Variants in ZHX3 observed in about 807,000 individuals in gnomAD.
ZHX3 encodes the protein zinc fingers and homeoboxes protein 3.
Under a neutral mutation model 64.5 loss-of-function variants are expected in ZHX3, and 20 were observed. The ratio of observed to expected loss-of-function variants is 0.31; its 90% CI spans 0.22 to 0.45. ZHX3 has a LOEUF of 0.45. ZHX3 is among the 20% of genes least tolerant of loss of function. ZHX3 has a pLI of 1.00. For synonymous variants in ZHX3, 423 were observed against 461.6 expected (o/e 0.92, Z 1.07); for missense variants, 1,041 against 1,195.8 (o/e 0.87, Z 1.91).
chr20:41,315,384 G>A (rs1212087764), intron 1 of ZHX3, among the ~76,000 whole-genome samples: 11 of 145,988 alleles, frequency 7.5e-5, no homozygotes, highest in South Asian at 2.2e-4. Context: ...TAGTAGAGAC[G>A]GGGTGTCACC....
chr20:41,218,004 A>G (rs2039655027), intron 2 of ZHX3, among the ~76,000 whole-genome samples: 1 of 152,208 alleles, frequency 6.6e-6, no homozygotes, highest in Admixed American at 6.5e-5. Context: ...TGTTCTTTAA[A>G]AAGGCTTGAC....
chr20:41,264,559 CA>C (rs1459734000), intron 2 of ZHX3, among the ~76,000 whole-genome samples: 35,291 of 83,938 alleles, frequency 0.42, 5,218 homozygotes, highest in East Asian at 0.55. Flanking sequence ...AACTCCATCT[CA>C]AAAAAAAAAA....
chr20:41,282,361 C>CTTT (rs568284480), intron 1 of ZHX3, among the ~76,000 whole-genome samples: 11 of 97,200 alleles, frequency 1.1e-4, no homozygotes, highest in East Asian at 7.5e-4. Flanking sequence ...CACAATTCAT[C>CTTT]TTTTTTTTTT....
intron 1 of ZHX3, among the ~76,000 whole-genome samples, chr20:41,275,648 TG>T (rs2043344391): frequency 6.6e-6 from 1 of 152,234 alleles, no homozygotes; most frequent in African/African-American, 2.4e-5. Context: ...CTCACTCTCA[TG>T]GCATGAGTTT....
At chr20:41,267,424 C>G (rs145540536) in intron 2 of ZHX3, 4 of 152,238 alleles carry the variant, frequency 2.6e-5, no homozygotes, top group African/African-American at 2.4e-5. Context: ...ATCCTCCTAA[C>G]GTAAGCATTC....
intron 2 of ZHX3, among the ~76,000 whole-genome samples, chr20:41,266,257 G>A (rs1191554570): frequency 6.6e-6 from 1 of 152,162 alleles, no homozygotes; most frequent in Non-Finnish European, 1.5e-5. Context: ...CAGAGTGGCA[G>A]AAATGAGGTA....
intron 2 of ZHX3, among the ~76,000 whole-genome samples, chr20:41,217,327 C>A (rs1026989461): frequency 3.3e-5 from 5 of 151,814 alleles, no homozygotes; most frequent in African/African-American, 1.2e-4. Flanking sequence ...ATAAATTTGA[C>A]CATGAACTTA....
intron 2 of ZHX3, among the ~76,000 whole-genome samples, chr20:41,262,832 T>C (rs1316498364): frequency 6.6e-6 from 1 of 151,494 alleles, no homozygotes; most frequent in African/African-American, 2.4e-5. Context: ...GAAAAAAAAA[T>C]TGGAGAGATA....
At position 41,204,942 on chromosome 20, in the gene ZHX3, G is replaced by C; in HGVS notation, c.-26C>G. The C allele has an allele frequency of 6.6e-7, 1 of 1,516,650 alleles. No individual in the cohort carries two copies. The highest frequency in any genetic ancestry group is 8.8e-7 in the Non-Finnish European group (1 of 1,133,304). The allele number at this position is 1,516,650 out of a possible 1,614,324, so 93.9% of individuals were successfully genotyped here. On this transcript the variant is annotated 5_prime_UTR_variant, in exon 3 of 4. Transcript: ENST00000683867. This position sits in a 1 kb window ranked among gnomAD's most constrained non-coding sequence, Gnocchi z 6.6. ...GGTGACAATCACTGGGTGATCAGCAGTTGAGAGCTTGTCCCATAAGGGGCC... is the reference window on the plus strand; with the variant it reads ...GGTGACAATCACTGGGTGATCAGCACTTGAGAGCTTGTCCCATAAGGGGCC...
chr20:41,193,488 T>C (rs910422610), intron 3 of ZHX3, among the ~76,000 whole-genome samples: 3 of 152,190 alleles, frequency 2.0e-5, no homozygotes, highest in Non-Finnish European at 4.4e-5. Flanking sequence ...CGACCAATTT[T>C]TTTAGACAGA....
intron 3 of ZHX3, among the ~76,000 whole-genome samples, chr20:41,187,404 T>A (rs957497253): frequency 2.6e-5 from 4 of 152,020 alleles, no homozygotes; most frequent in Non-Finnish European, 5.9e-5. Context: ...AAGTATTTTA[T>A]AGCTTTAGCT....
Position 41,181,485 on chromosome 20 carries a change from G to C in ZHX3, c.*3706C>G, listed in dbSNP as rs1367944801. The C allele has an allele frequency of 6.6e-6, 1 of 152,072 alleles. No homozygotes were observed. Among genetic ancestry groups the C allele is most frequent in the African/African-American group, 2.4e-5 (1 of 41,394 alleles). The allele number at this position is 152,072 out of a possible 1,614,324, so 9.4% of individuals were successfully genotyped here. A position where few individuals can be genotyped will look rare whatever the true frequency, so the allele number is the denominator to read the frequency against. On this transcript the variant is annotated 3_prime_UTR_variant, in exon 4 of 4. Transcript: ENST00000683867. The stretch of plus-strand genomic sequence containing the variant: ...CCTGCAAGTTGCCTTTATCCACTTG[G>C]GGTGTGATATCTGAACTGAAAAAGC...
intron 2 of ZHX3, among the ~76,000 whole-genome samples, chr20:41,218,584 A>G (rs1477471391): frequency 6.6e-6 from 1 of 152,226 alleles, no homozygotes; most frequent in Non-Finnish European, 1.5e-5. Flanking sequence ...CTCTTTTAAC[A>G]TGAGGCTTGG....
At chr20:41,277,751 C>G (rs2043460513) in intron 1 of ZHX3, among the ~76,000 whole-genome samples, 1 of 140,738 alleles carries the variant, frequency 7.1e-6, no homozygotes, top group Non-Finnish European at 1.6e-5. Context: ...GCTACCATGC[C>G]TGGCTAATTT....
intron 2 of ZHX3, among the ~76,000 whole-genome samples, chr20:41,261,436 C>T (rs2042557147): frequency 6.6e-6 from 1 of 152,168 alleles, no homozygotes; most frequent in Admixed American, 6.5e-5. Flanking sequence ...ACTGCATTTC[C>T]TTGCCTCCTG....
chr20:41,184,661 A>C lies in ZHX3; in HGVS notation c.*530T>G, dbSNP rs986977554. The C allele has an allele frequency of 5.9e-6, 3 of 504,796 alleles. No individual in the cohort carries two copies. Among genetic ancestry groups the C allele is most frequent in the African/African-American group, 1.9e-5 (1 of 51,898 alleles). 31.3% of individuals were successfully genotyped at this position (504,796 alleles called of 1,614,324 possible). Reference sequence around the variant, plus strand: ...CTTGAGGAACACAAAGGGGGCACAAAGGGGTTCCAGACGTAGCTTTGTGCC... The same window carrying C: ...CTTGAGGAACACAAAGGGGGCACAACGGGGTTCCAGACGTAGCTTTGTGCC... On this transcript the variant is annotated 3_prime_UTR_variant, in exon 4 of 4. Transcript: ENST00000683867.
intron 1 of ZHX3, among the ~76,000 whole-genome samples, chr20:41,314,581 C>G (rs2045235224): frequency 1.3e-5 from 2 of 152,180 alleles, no homozygotes; most frequent in Non-Finnish European, 2.9e-5. Flanking sequence ...TCAAAAATAT[C>G]CAGTGTGACA....
At chr20:41,240,537 T>C (rs985817814) in intron 2 of ZHX3, among the ~76,000 whole-genome samples, 5 of 152,218 alleles carry the variant, frequency 3.3e-5, no homozygotes, top group Admixed American at 2.6e-4. Context: ...CTTTGAATTA[T>C]ACTGTTATTT....
chr20:41,188,408 C>CCCTCTT (rs2036714522), intron 3 of ZHX3: 2 of 102,594 alleles, frequency 1.9e-5, no homozygotes, highest in African/African-American at 3.6e-5. Context: ...CCACCCCCAC[C>CCCTCTT]TTTTTTTTTT....
Sources: gnomAD v4.1 joint callset for allele counts (sites outside exome capture counted in the v4.1 genomes callset) on GRCh38, gnomAD v4.1.1 for gene constraint, Gnocchi (gnomAD v3.1) non-coding constraint, MANE v1.5 for transcripts, NCBI Gene and HGNC (gene_info 2026-07-23, HGNC 2026-07-21) for gene names.